Variants in PTPRS observed in about 807,000 individuals in gnomAD.
PTPRS encodes protein tyrosine phosphatase receptor type S, also known as receptor-type tyrosine-protein phosphatase S.
PTPRS carries 63 observed loss-of-function variants against 215.3 expected under a neutral mutation model. That is an observed-to-expected ratio of 0.29 (90% CI 0.24 to 0.36). The LOEUF is 0.36. PTPRS is among the 10% of genes least tolerant of loss of function. PTPRS has a pLI of 1.00. For missense variants in PTPRS, 2,258 were observed against 2,825.8 expected (o/e 0.80, Z 4.56); for synonymous variants, 1,404 against 1,191.4 (o/e 1.18, Z -3.68).
At position 5,225,714 on chromosome 19, in the gene PTPRS, G is replaced by A. The variant is rs1316071441; in HGVS notation, c.2494+13C>T. 6.2e-7 allele frequency: 1 copy of A among 1,608,148 alleles called. No individual in the cohort carries two copies. The highest frequency in any genetic ancestry group is 1.1e-5 in the South Asian group (1 of 90,984). On this transcript the variant is annotated intron_variant, in intron 17 of 37. Coordinates refer to ENST00000262963, the MANE Select transcript of PTPRS (RefSeq NM_002850.4). Reference sequence around the variant, plus strand: ...GGGGCTGTTGGTGGGTGGGAGGAGGGCGGGTTGCATACCTGCTCCCTTGGT... The same window carrying A: ...GGGGCTGTTGGTGGGTGGGAGGAGGACGGGTTGCATACCTGCTCCCTTGGT...
chr19:5,289,505 G>C (rs34874032), intron 1 of PTPRS, among the ~76,000 whole-genome samples: 1 of 151,838 alleles, frequency 6.6e-6, no homozygotes, highest in African/African-American at 2.4e-5. Context: ...CACCTGCCTC[G>C]GGGTCAAAGC....
chr19:5,316,877 T>C lies in PTPRS; in HGVS notation c.-95+23787A>G, dbSNP rs192581789. On this transcript the variant is annotated intron_variant, in intron 1 of 37. Transcript: ENST00000262963. ...GCTGTGATTTGGGGTTCTGCACACA[T>C]AGCACTGTTGCTTGCACTCCCAGGC... Among the ~76,000 whole-genome samples, 10 of 152,268 alleles carry C rather than the reference T, an allele frequency of 6.6e-5. No homozygotes were observed. The East Asian group carries it at 1.7e-3, about 27-fold the overall frequency.
At chr19:5,214,268 C>T in intron 30 of PTPRS, 93 bp downstream of exon 30, 1 of 1,560,804 alleles carries the variant, frequency 6.4e-7, no homozygotes. Flanking sequence ...CTCTCTGTCC[C>T]ATGGGGAGCT....
intron 37 of PTPRS, 133 bp from the exon 38 acceptor site, chr19:5,206,975 C>T (rs1011413006): frequency 2.9e-5 from 21 of 729,592 alleles, no homozygotes; most frequent in South Asian, 5.3e-5. Flanking sequence ...TTGGCCCCCA[C>T]GGCCCTCCCA....
intron 6 of PTPRS, among the ~76,000 whole-genome samples, chr19:5,261,051 TC>T (rs1232441999): frequency 7.2e-5 from 11 of 152,022 alleles, no homozygotes; most frequent in Non-Finnish European, 1.6e-4. Flanking sequence ...CAGGAGGGTT[TC>T]CTGTAGAAGG....
chr19:5,248,664 G>C (rs560156043), intron 9 of PTPRS, among the ~76,000 whole-genome samples: 100 of 152,336 alleles, frequency 6.6e-4, no homozygotes, highest in African/African-American at 2.4e-3. Context: ...GCCTCTCTTA[G>C]GGCTGAGCAA....
chr19:5,300,721 T>C (rs1226474540), intron 1 of PTPRS, among the ~76,000 whole-genome samples: 2 of 140,102 alleles, frequency 1.4e-5, no homozygotes, highest in African/African-American at 2.8e-5. Context: ...TAAGCTGAAA[T>C]TGTGCCACTG....
intron 9 of PTPRS, among the ~76,000 whole-genome samples, chr19:5,251,429 CTTTTTTTT>C (rs60058565): frequency 1.5e-4 from 21 of 136,734 alleles, no homozygotes; most frequent in African/African-American, 5.7e-4. Context: ...GCTCTAGATA[CTTTTTTTT>C]TTTTTTTTGG....
chr19:5,213,371 G>A (rs1453920515), intron 30 of PTPRS, among the ~76,000 whole-genome samples: 3 of 71,084 alleles, frequency 4.2e-5, no homozygotes, highest in South Asian at 5.3e-4. Context: ...GACCAGGCAC[G>A]GTCCTGCCCC....
intron 6 of PTPRS, 41 bp downstream of exon 6, chr19:5,262,923 T>A: frequency 6.4e-7 from 1 of 1,557,274 alleles, no homozygotes; most frequent in Non-Finnish European, 8.8e-7. Flanking sequence ...ACAAAGGGGA[T>A]GGGGCGTTAG....
chr19:5,227,347 G>GT (rs2042591815), intron 16 of PTPRS, among the ~76,000 whole-genome samples: 1 of 140,956 alleles, frequency 7.1e-6, no homozygotes, highest in Non-Finnish European at 1.6e-5. Context: ...CACTGTGCCT[G>GT]GCTGAGAGCT....
At chr19:5,214,314 C>T (rs1287763064) in intron 30 of PTPRS, 47 bp downstream of exon 30, 1 of 1,613,110 alleles carries the variant, frequency 6.2e-7, no homozygotes, top group Non-Finnish European at 8.5e-7. Context: ...GCCTCCCTTC[C>T]AACACATTCC....
intron 23 of PTPRS, 122 bp downstream of exon 23, chr19:5,219,188 C>G: frequency 1.5e-6 from 2 of 1,351,508 alleles, no homozygotes; most frequent in Non-Finnish European, 2.0e-6. Context: ...CCTCTCTGAA[C>G]TTCGGTTTCC....
rs1219846031 is a variant in PTPRS at position 5,287,964 on chromosome 19, G to GCGCACACA, written c.-94-1731_-94-1730insTGTGTGCG. On this transcript the variant is annotated intron_variant, in intron 1 of 37. Coordinates refer to ENST00000262963, the MANE Select transcript of PTPRS (RefSeq NM_002850.4). The surrounding 1 kb of genome is among the most constrained non-coding windows in gnomAD (Gnocchi z 4.8). Reference sequence around the variant, plus strand: ...TCACACAGTCAGGCAGCAGAGACGGGCACACACACACACACACACACACAC... The same window carrying GCGCACACA: ...TCACACAGTCAGGCAGCAGAGACGGGCGCACACACACACACACACACACACACACACAC... 7.5e-6 allele frequency among the ~76,000 whole-genome samples: 1 copy of GCGCACACA among 133,264 alleles called. No homozygotes were observed. The highest frequency in any genetic ancestry group is 2.8e-5 in the African/African-American group (1 of 35,532). 87.4% of individuals were successfully genotyped at this position (133,264 alleles called of 152,430 possible). A position where few individuals can be genotyped will look rare whatever the true frequency, so the allele number is the denominator to read the frequency against.
At chr19:5,229,449 G>GC in intron 15 of PTPRS, 42 bp downstream of exon 15, 2 of 1,339,962 alleles carry the variant, frequency 1.5e-6, no homozygotes, top group African/African-American at 3.1e-5. Flanking sequence ...GCCCGTCCCC[G>GC]CCCGGAGCCC....
chr19:5,215,970 T>C (rs2041403528), intron 26 of PTPRS, among the ~76,000 whole-genome samples: 1 of 152,092 alleles, frequency 6.6e-6, no homozygotes, highest in Non-Finnish European at 1.5e-5. Context: ...GAAGCAAGTG[T>C]GTGGCACAGA....
intron 23 of PTPRS, 22 bp from the exon 24 acceptor site, chr19:5,218,820 G>A: frequency 6.3e-7 from 1 of 1,589,152 alleles, no homozygotes; most frequent in Non-Finnish European, 8.5e-7. Context: ...AGCAGACACA[G>A]GTGAGAAGGG....
intron 11 of PTPRS, among the ~76,000 whole-genome samples, chr19:5,243,064 C>T (rs531618624): frequency 1.3e-5 from 2 of 151,750 alleles, no homozygotes; most frequent in South Asian, 2.1e-4. Context: ...AGCCATCCTC[C>T]TGCGTCTGCC....
rs964395630 is a variant in PTPRS, at chr19:5,222,061, C to T, written c.3201+62G>A. The T allele has an allele frequency of 8.0e-6, 11 of 1,381,178 alleles. No homozygotes were observed. The African/African-American group carries it at 1.3e-4, about 16-fold the overall frequency. The allele number at this position is 1,381,178 out of a possible 1,614,324, so 85.6% of individuals were successfully genotyped here. On this transcript the variant is annotated intron_variant, in intron 19 of 37. Transcript: ENST00000262963. ...CACCAACTCCAAACTGAGCCTTAAGCCCTGCTGAACTACAACCCCTGACCC... is the reference window on the plus strand; with the variant it reads ...CACCAACTCCAAACTGAGCCTTAAGTCCTGCTGAACTACAACCCCTGACCC...
Sources: gnomAD v4.1 joint callset for allele counts (sites outside exome capture counted in the v4.1 genomes callset) on GRCh38, gnomAD v4.1.1 for gene constraint, Gnocchi (gnomAD v3.1) non-coding constraint, MANE v1.5 for transcripts, NCBI Gene and HGNC (gene_info 2026-07-23, HGNC 2026-07-21) for gene names.